Variants in ARHGAP26 observed in about 807,000 individuals in gnomAD.
ARHGAP26 encodes rho GTPase-activating protein 26.
A neutral mutation model predicts 104.8 loss-of-function variants in ARHGAP26; 38 were observed. That is an observed-to-expected ratio of 0.36 (90% CI 0.28 to 0.48). ARHGAP26 has a LOEUF of 0.48. Among genes scored for constraint, ARHGAP26 ranks in the 20% least tolerant of loss-of-function variants. ARHGAP26 has a pLI of 0.99. For missense variants in ARHGAP26, 704 were observed against 947.9 expected, an observed-to-expected ratio of 0.74 and a Z score of 3.38; for synonymous variants, 341 against 340.0, an observed-to-expected ratio of 1.00 and a Z score of -0.03.
At chr5:142,781,887 A>T (rs1300076691) in intron 1 of ARHGAP26, among the ~76,000 whole-genome samples, 1 of 150,400 alleles carries the variant, frequency 6.6e-6, no homozygotes, top group African/African-American at 2.4e-5. Flanking sequence ...AATTTTTTGT[A>T]TTTTTTTTTA....
At chr5:142,878,236 T>C (rs1162192952) in intron 3 of ARHGAP26, among the ~76,000 whole-genome samples, 4 of 152,228 alleles carry the variant, frequency 2.6e-5, no homozygotes, top group Admixed American at 6.5e-5. Context: ...CGAAGAGTGA[T>C]AAATGAATGA....
At chr5:142,820,480 C>T (rs935373885) in intron 1 of ARHGAP26, among the ~76,000 whole-genome samples, 1 of 152,088 alleles carries the variant, frequency 6.6e-6, no homozygotes, top group African/African-American at 2.4e-5. Flanking sequence ...ACCTAAGGCT[C>T]ATATTGAACA....
intron 17 of ARHGAP26, among the ~76,000 whole-genome samples, chr5:143,068,563 C>G (rs929476896): frequency 2.0e-5 from 3 of 152,298 alleles, no homozygotes; most frequent in African/African-American, 7.2e-5. Context: ...AGTAGTTTCT[C>G]CCTCTTTCTT....
rs140183681 is a variant in ARHGAP26, at chr5:142,950,309, TA to T, written c.1107+18188del. The stretch of plus-strand genomic sequence containing the variant: ...TCATCATGGGGTTTCCATGTTGGAT[TA>T]AAACTGATTATATTTACTTCATTTT... On this transcript the variant is annotated intron_variant, in intron 11 of 22. Transcript: ENST00000645722. Among the ~76,000 whole-genome samples the T allele has an allele frequency of 7.2e-3, 1,092 of 152,288 alleles. 9 individuals carry two copies. The highest frequency in any genetic ancestry group is 0.024 in the African/African-American group (1,017 of 41,550).
At chr5:143,099,039 G>A (rs1019306439) in intron 17 of ARHGAP26, among the ~76,000 whole-genome samples, 1 of 152,114 alleles carries the variant, frequency 6.6e-6, no homozygotes, top group Admixed American at 6.5e-5. Flanking sequence ...AGGTCACAAA[G>A]TTTGATTTAA....
chr5:143,140,875 G>A (rs924757765), intron 19 of ARHGAP26, among the ~76,000 whole-genome samples: 1 of 152,194 alleles, frequency 6.6e-6, no homozygotes, highest in Admixed American at 6.5e-5. Context: ...TCCCAGACAG[G>A]CCCAGTGAGA....
intron 14 of ARHGAP26, among the ~76,000 whole-genome samples, chr5:143,047,059 G>C (rs1784343721): frequency 6.6e-6 from 1 of 152,164 alleles, no homozygotes; most frequent in Non-Finnish European, 1.5e-5. Context: ...TGTCATTCAA[G>C]TTCTTCTAGA....
intron 20 of ARHGAP26, among the ~76,000 whole-genome samples, chr5:143,174,123 T>A (rs1242080780): frequency 6.6e-6 from 1 of 152,206 alleles, no homozygotes; most frequent in Non-Finnish European, 1.5e-5. Flanking sequence ...ATGTCAATAT[T>A]CATTCAGTGC....
chr5:143,057,726 T>C lies in ARHGAP26; in HGVS notation c.1517T>C (p.Leu506Pro). ...LPEKNRQMLQ[L>P]LMNHLANVAN... ...GAGAAAAATCGGCAGATGTTACAGC[T>C]GCTCATGAACCACTTGGCAAAGTAG... The change falls in exon 17 of 23, where the codon CTG (leucine) becomes CCG (proline). Residue 506 changes from leucine to proline, a missense_variant. Physicochemically the swap from Leu to Pro is moderately conservative, Grantham distance 98 (BLOSUM62 -3). Coordinates refer to ENST00000645722, the MANE Select transcript of ARHGAP26 (RefSeq NM_001135608.3). 1 of 1,614,012 alleles carries C rather than the reference T, an allele frequency of 6.2e-7. No homozygotes were observed. The highest frequency in any genetic ancestry group is 1.6e-4 in the Middle Eastern group (1 of 6,062).
rs547359914 is a variant in ARHGAP26 at position 142,771,076 on chromosome 5, G to T, written c.154+161G>T. 123 of 1,370,544 alleles carry T rather than the reference G, an allele frequency of 9.0e-5. 2 individuals carry two copies. The South Asian group carries it at 2.0e-3, about 22-fold the overall frequency. 84.9% of individuals were successfully genotyped at this position (1,370,544 alleles called of 1,614,324 possible). On this transcript the variant is annotated intron_variant, in intron 1 of 22. Transcript: ENST00000645722. ...GGCAGGAAGGATACGTAAAGCGGGC[G>T]AACCAGCAACCATCAGATGAAGAGA...
chr5:142,865,633 C>T (rs1207347362), intron 1 of ARHGAP26, among the ~76,000 whole-genome samples: 2 of 152,146 alleles, frequency 1.3e-5, no homozygotes, highest in Non-Finnish European at 2.9e-5. Flanking sequence ...TGCACATTCT[C>T]ATAGTGAAGC....
intron 3 of ARHGAP26, 135 bp from the exon 4 acceptor site, chr5:142,879,239 C>A: frequency 1.3e-6 from 1 of 785,332 alleles, no homozygotes; most frequent in Non-Finnish European, 2.3e-6. Flanking sequence ...AGGTTGTAAA[C>A]AGTTGACATG....
chr5:143,089,643 A>G (rs1158711170), intron 17 of ARHGAP26, among the ~76,000 whole-genome samples: 2 of 152,208 alleles, frequency 1.3e-5, no homozygotes, highest in Non-Finnish European at 2.9e-5. Flanking sequence ...CTATTCCTTT[A>G]ACAACATCTC....
intron 11 of ARHGAP26, among the ~76,000 whole-genome samples, chr5:143,002,112 A>G (rs776172962): frequency 2.0e-5 from 3 of 152,156 alleles, no homozygotes; most frequent in Non-Finnish European, 4.4e-5. Flanking sequence ...AGTTGCAATG[A>G]AGACAGCTAT....
intron 7 of ARHGAP26, among the ~76,000 whole-genome samples, 159 bp downstream of exon 7, chr5:142,902,198 G>T (rs1015803193): frequency 2.6e-5 from 4 of 152,172 alleles, no homozygotes; most frequent in Non-Finnish European, 5.9e-5. Flanking sequence ...TTTCTAGAGT[G>T]CTTGGTGGTT....
intron 17 of ARHGAP26, among the ~76,000 whole-genome samples, chr5:143,062,613 A>T (rs1562353514): frequency 6.7e-6 from 1 of 150,274 alleles, no homozygotes; most frequent in East Asian, 2.0e-4. Flanking sequence ...TATTTCTTTA[A>T]TGATCTAGAA....
At chr5:143,139,143 A>G (rs1209580171) in intron 19 of ARHGAP26, among the ~76,000 whole-genome samples, 2 of 152,236 alleles carry the variant, frequency 1.3e-5, no homozygotes, top group Non-Finnish European at 2.9e-5. Context: ...TGGAAGTACA[A>G]ATGGATACAT....
At chr5:142,915,329 T>G (rs544827700) in intron 10 of ARHGAP26, among the ~76,000 whole-genome samples, 1 of 151,818 alleles carries the variant, frequency 6.6e-6, no homozygotes, top group African/African-American at 2.4e-5. Context: ...CAGTCATGGT[T>G]CAGTTGAGGG....
At chr5:142,890,151 A>AAAAAAAAAAAAAAAT (rs1252590997) in intron 5 of ARHGAP26, among the ~76,000 whole-genome samples, 4 of 32,426 alleles carry the variant, frequency 1.2e-4, no homozygotes, top group African/African-American at 3.5e-4. Flanking sequence ...AAAAAAAAAA[A>AAAAAAAAAAAAAAAT]ATATATATAT....
Sources: allele counts gnomAD v4.1 joint callset (sites outside exome capture counted in the v4.1 genomes callset), GRCh38; gene constraint gnomAD v4.1.1; transcripts MANE v1.5; gene names NCBI Gene and HGNC (gene_info 2026-07-23, HGNC 2026-07-21).